Variants in BCL2 observed in about 807,000 individuals in gnomAD.
The protein encoded by BCL2 is BCL2 apoptosis regulator.
In BCL2, 1 loss-of-function variant was observed where a neutral mutation model predicts 14.2. That is an observed-to-expected ratio of 0.07 (90% confidence interval 0.02 to 0.33). BCL2 has a LOEUF of 0.33. BCL2 is among the 10% of genes least tolerant of loss of function. BCL2 has a pLI of 0.99. For synonymous variants in BCL2, 151 were observed against 137.2 expected (o/e 1.10, Z -0.70); for missense variants, 247 against 305.9 (o/e 0.81, Z 1.44).
intron 2 of BCL2, among the ~76,000 whole-genome samples, chr18:63,285,271 G>T (rs1185150487): frequency 6.6e-6 from 1 of 152,236 alleles, no homozygotes; most frequent in Non-Finnish European, 1.5e-5. Context: ...AGGGCCCGTT[G>T]TTCCCTGCTG....
At chr18:63,313,581 C>T (rs1913402316) in intron 2 of BCL2, among the ~76,000 whole-genome samples, 1 of 152,200 alleles carries the variant, frequency 6.6e-6, no homozygotes, top group African/African-American at 2.4e-5. Flanking sequence ...ACTACAAAGA[C>T]AGTGTTGTTT....
intron 2 of BCL2, among the ~76,000 whole-genome samples, chr18:63,194,796 T>C (rs1340314589): frequency 1.3e-5 from 2 of 152,226 alleles, no homozygotes; most frequent in African/African-American, 4.8e-5. Context: ...GGGAAAAGTC[T>C]GATCCCAAGG....
Position 63,319,691 on chromosome 18 carries a change from G to T in BCL2, c.-804C>A. ...AAATGCATTTTCCGAAAAGCTGCTG[G>T]ATAAATGAAGGCAGGACGCGCCTGG... On this transcript the variant is annotated 5_prime_UTR_variant, in exon 1 of 3. Transcript: ENST00000333681. 4.7e-6 allele frequency: 1 copy of T among 213,952 alleles called. No homozygotes were observed. The highest frequency in any genetic ancestry group is 9.5e-6 in the Non-Finnish European group (1 of 105,790). The allele number at this position is 213,952 out of a possible 1,614,324, so 13.3% of individuals were successfully genotyped here. A position where few individuals can be genotyped will look rare whatever the true frequency, so the allele number is the denominator to read the frequency against.
Position 63,246,560 on chromosome 18 carries a change from G to A in BCL2, c.585+71522C>T, listed in dbSNP as rs146205686. 4.3e-3 allele frequency among the ~76,000 whole-genome samples: 650 copies of A among 152,136 alleles called. 1 individual carries two copies. The highest frequency in any genetic ancestry group is 0.01 in the Middle Eastern group (3 of 294). On this transcript the variant is annotated intron_variant, in intron 2 of 2. Transcript: ENST00000333681. ...TTCATTATCACAACAGCACAGGAAAGACCCGCCCCCATGATTCAATTACAT... is the reference window on the plus strand; with the variant it reads ...TTCATTATCACAACAGCACAGGAAAAACCCGCCCCCATGATTCAATTACAT...
intron 2 of BCL2, among the ~76,000 whole-genome samples, chr18:63,218,435 C>T (rs778246564): frequency 4.6e-5 from 7 of 151,816 alleles, no homozygotes; most frequent in African/African-American, 1.2e-4. Flanking sequence ...TTTTTTCTTT[C>T]GTTCCTTCCC....
chr18:63,153,298 G>T (rs1273914340), intron 2 of BCL2, among the ~76,000 whole-genome samples: 2 of 152,236 alleles, frequency 1.3e-5, no homozygotes, highest in Non-Finnish European at 2.9e-5. Flanking sequence ...TCAGGAGGAT[G>T]AAATGACTTC....
At chr18:63,222,273 C>CAAAAA (rs35852603) in intron 2 of BCL2, among the ~76,000 whole-genome samples, 1 of 83,300 alleles carries the variant, frequency 1.2e-5, no homozygotes, top group African/African-American at 4.6e-5. Flanking sequence ...GACTCCACCT[C>CAAAAA]AAAAAAAAAA....
intron 2 of BCL2, among the ~76,000 whole-genome samples, chr18:63,166,988 C>G (rs1438961403): frequency 6.6e-6 from 1 of 152,148 alleles, no homozygotes; most frequent in Non-Finnish European, 1.5e-5. Flanking sequence ...CATGCTCCAG[C>G]CAGGGAGACC....
At chr18:63,236,740 G>T (rs1353925380) in intron 2 of BCL2, among the ~76,000 whole-genome samples, 1 of 152,034 alleles carries the variant, frequency 6.6e-6, no homozygotes, top group African/African-American at 2.4e-5. Context: ...GAGATCGATG[G>T]CCTCCGTTCC....
chr18:63,290,675 C>T (rs561559740), intron 2 of BCL2, among the ~76,000 whole-genome samples: 1 of 152,230 alleles, frequency 6.6e-6, no homozygotes, highest in South Asian at 2.1e-4. Flanking sequence ...GAAACAGGAG[C>T]CCTTGCTTTG....
chr18:63,130,782 A>C (rs1982673), intron 2 of BCL2, among the ~76,000 whole-genome samples: 27,580 of 152,100 alleles, frequency 0.18, 2,850 homozygotes, highest in East Asian at 0.43. Context: ...CTATTTGTTC[A>C]GTTGCTTTTT....
At chr18:63,167,066 T>C (rs1202600582) in intron 2 of BCL2, among the ~76,000 whole-genome samples, 1 of 152,204 alleles carries the variant, frequency 6.6e-6, no homozygotes, top group African/African-American at 2.4e-5. Context: ...GGAAAGGTGA[T>C]GGGAGCACGA....
chr18:63,179,124 C>T (rs1049476226), intron 2 of BCL2, among the ~76,000 whole-genome samples: 3 of 152,200 alleles, frequency 2.0e-5, no homozygotes, highest in Non-Finnish European at 4.4e-5. Flanking sequence ...AGCATGAGTG[C>T]CCAATGGCTG....
At chr18:63,218,492 C>T (rs113660398) in intron 2 of BCL2, among the ~76,000 whole-genome samples, 2,847 of 152,082 alleles carry the variant, frequency 0.019, 83 homozygotes, top group African/African-American at 0.065. Flanking sequence ...TTATGCAAAG[C>T]ATTGTTCAAA....
Position 63,318,046 on chromosome 18 carries a change from G to C in BCL2, c.585+36C>G, listed in dbSNP as rs1913554261. ...CCAACCCCCGCATCTCGGACCTGTGGCCTCAGCCCAGACTCACATCACCAA... is the reference window on the plus strand; with the variant it reads ...CCAACCCCCGCATCTCGGACCTGTGCCCTCAGCCCAGACTCACATCACCAA... On this transcript the variant is annotated intron_variant, in intron 2 of 2. Transcript: ENST00000333681. The surrounding 1 kb of genome is among the most constrained non-coding windows in gnomAD (Gnocchi z 7.4). 2 of 1,605,754 alleles carry C rather than the reference G, an allele frequency of 1.2e-6. No individual in the cohort carries two copies. The highest frequency in any genetic ancestry group is 1.3e-5 in the African/African-American group (1 of 74,754).
chr18:63,222,943 C>T (rs1380720888), intron 2 of BCL2, among the ~76,000 whole-genome samples: 1 of 152,086 alleles, frequency 6.6e-6, no homozygotes, highest in East Asian at 1.9e-4. Flanking sequence ...TTTTAGAAGA[C>T]GGAAAGCAGA....
intron 2 of BCL2, among the ~76,000 whole-genome samples, chr18:63,192,500 A>G (rs972685363): frequency 2.0e-5 from 3 of 152,186 alleles, no homozygotes; most frequent in African/African-American, 7.2e-5. Context: ...GCTAAAAAGC[A>G]TGGCCCATAC....
rs41301945 is a variant in BCL2, at chr18:63,128,085, C to A, written c.*540G>T. ...GGCCAGGGAGGCATGGACTTCCCCC[C>A]ACAGGAACCCTCCCTCTGTTAATAT... On this transcript the variant is annotated 3_prime_UTR_variant, in exon 3 of 3. Coordinates refer to ENST00000333681, the MANE Select transcript of BCL2 (RefSeq NM_000633.3). The A allele has an allele frequency of 3.1e-3, 703 of 226,464 alleles. No homozygotes were observed. Among genetic ancestry groups the A allele is most frequent in the South Asian group, 8.4e-3 (46 of 5,468 alleles). 14.0% of individuals were successfully genotyped at this position (226,464 alleles called of 1,614,324 possible). A position where few individuals can be genotyped will look rare whatever the true frequency, so the allele number is the denominator to read the frequency against.
intron 2 of BCL2, among the ~76,000 whole-genome samples, chr18:63,250,147 A>C (rs6567334): frequency 0.62 from 94,675 of 152,126 alleles, 32,032 homozygotes; most frequent in Non-Finnish European, 0.77. Flanking sequence ...GGAGGCCCTC[A>C]ATAAAAGCAC....
Sources: gnomAD v4.1 joint callset for allele counts (sites outside exome capture counted in the v4.1 genomes callset) on GRCh38, gnomAD v4.1.1 for gene constraint, Gnocchi (gnomAD v3.1) non-coding constraint, MANE v1.5 for transcripts, NCBI Gene and HGNC (gene_info 2026-07-23, HGNC 2026-07-21) for gene names.